The following ADGRL3 variants were observed in gnomAD, a reference collection of about 807,000 sequenced individuals.
The protein encoded by ADGRL3 is adhesion G protein-coupled receptor L3.
A neutral mutation model predicts 153.5 loss-of-function variants in ADGRL3; 62 were observed. That is an observed-to-expected ratio of 0.40 (90% CI 0.33 to 0.50). ADGRL3 has a LOEUF of 0.50. Among genes scored for constraint, ADGRL3 ranks in the 20% least tolerant of loss-of-function variants. The probability of loss-of-function intolerance (pLI) is 0.47; values close to 1 mark genes in which losing one functional copy is unlikely to be tolerated. For missense variants in ADGRL3, 1,641 were observed against 1,859.4 expected (o/e 0.88, Z 2.16); for synonymous variants, 710 against 672.5 (o/e 1.06, Z -0.86).
intron 1 of ADGRL3, among the ~76,000 whole-genome samples, chr4:61,218,989 A>T (rs960750911): frequency 6.6e-6 from 1 of 152,210 alleles, no homozygotes; most frequent in Non-Finnish European, 1.5e-5. Context: ...CTCTATGTAG[A>T]CATAATTGGA....
chr4:61,372,952 C>A (rs553637264), intron 1 of ADGRL3, among the ~76,000 whole-genome samples: 2 of 152,142 alleles, frequency 1.3e-5, no homozygotes, highest in Admixed American at 6.5e-5. Flanking sequence ...TTAAGCCCGT[C>A]GGAAAAGCGC....
chr4:61,373,639 A>G (rs1220350187), intron 1 of ADGRL3, among the ~76,000 whole-genome samples: 1 of 152,172 alleles, frequency 6.6e-6, no homozygotes, highest in African/African-American at 2.4e-5. Flanking sequence ...CAGATAAATC[A>G]TTTTCATAGT....
intron 1 of ADGRL3, among the ~76,000 whole-genome samples, chr4:61,343,699 C>A (rs908543070): frequency 1.3e-5 from 2 of 152,096 alleles, no homozygotes; most frequent in African/African-American, 4.8e-5. Context: ...CATATTTTTT[C>A]TTCTTGTAAA....
At chr4:61,980,077 A>C (rs1258255864) in intron 18 of ADGRL3, among the ~76,000 whole-genome samples, 1 of 152,140 alleles carries the variant, frequency 6.6e-6, no homozygotes, top group Non-Finnish European at 1.5e-5. Context: ...GCTCCCACAC[A>C]TGCATAGTGT....
intron 17 of ADGRL3, among the ~76,000 whole-genome samples, chr4:61,956,330 A>G (rs1211431175): frequency 1.3e-5 from 2 of 151,648 alleles, no homozygotes; most frequent in Non-Finnish European, 2.9e-5. Flanking sequence ...GGCTGCGTAA[A>G]TGTCGTCTTT....
chr4:61,700,599 G>A (rs186715709), intron 6 of ADGRL3, among the ~76,000 whole-genome samples: 63 of 152,264 alleles, frequency 4.1e-4, no homozygotes, highest in African/African-American at 1.4e-3. Flanking sequence ...TGAGATTGGG[G>A]TGAGGTAGTA....
At chr4:62,022,442 A>T (rs759848003) in intron 21 of ADGRL3, among the ~76,000 whole-genome samples, 1 of 152,220 alleles carries the variant, frequency 6.6e-6, no homozygotes, top group Non-Finnish European at 1.5e-5. Flanking sequence ...AGCTAAGATC[A>T]TTGATGAAGG....
At chr4:61,919,905 T>A (rs1001900792) in intron 13 of ADGRL3, among the ~76,000 whole-genome samples, 5 of 152,228 alleles carry the variant, frequency 3.3e-5, no homozygotes, top group African/African-American at 4.8e-5. Flanking sequence ...GCTGTTTGTA[T>A]ATACATGGTT....
At chr4:61,816,061 A>G (rs1413238986) in intron 9 of ADGRL3, among the ~76,000 whole-genome samples, 1 of 152,236 alleles carries the variant, frequency 6.6e-6, no homozygotes. Flanking sequence ...TGCTTTAGAC[A>G]CATTAATTCA....
At chr4:61,669,266 C>A (rs1272266721) in intron 5 of ADGRL3, among the ~76,000 whole-genome samples, 1 of 151,882 alleles carries the variant, frequency 6.6e-6, no homozygotes, top group Non-Finnish European at 1.5e-5. Context: ...TATTTGTTTT[C>A]TACCATTAGA....
intron 5 of ADGRL3, 92 bp from the exon 6 acceptor site, chr4:61,676,732 GTA>G: frequency 1.1e-6 from 1 of 886,440 alleles, no homozygotes; most frequent in Non-Finnish European, 1.9e-6. Context: ...ATTCAAATCT[GTA>G]TAACAGGAAC....
chr4:61,247,589 T>C (rs139285099), intron 1 of ADGRL3, among the ~76,000 whole-genome samples: 4 of 152,194 alleles, frequency 2.6e-5, no homozygotes, highest in African/African-American at 7.2e-5. Context: ...TAATTAGATA[T>C]TGACTCTTTT....
At chr4:61,280,713 A>G (rs1294618466) in intron 1 of ADGRL3, among the ~76,000 whole-genome samples, 1 of 152,192 alleles carries the variant, frequency 6.6e-6, no homozygotes, top group Admixed American at 6.5e-5. Context: ...AAGGAAATAG[A>G]TAATTAACTT....
chr4:61,550,928 T>C (rs2098737385), intron 4 of ADGRL3, among the ~76,000 whole-genome samples: 1 of 152,108 alleles, frequency 6.6e-6, no homozygotes. Flanking sequence ...TTCCTACATA[T>C]CTCACTACTT....
At chr4:61,910,058 C>CT (rs1377878364) in intron 12 of ADGRL3, among the ~76,000 whole-genome samples, 1 of 151,938 alleles carries the variant, frequency 6.6e-6, no homozygotes, top group Non-Finnish European at 1.5e-5. Context: ...AATGCAATTT[C>CT]TTTTTTCTTT....
chr4:61,421,518 G>C (rs79908549), intron 2 of ADGRL3, among the ~76,000 whole-genome samples: 1,792 of 152,160 alleles, frequency 0.012, 36 homozygotes, highest in African/African-American at 0.041. Flanking sequence ...TTATTCCAGT[G>C]CCTTATTTAT....
intron 1 of ADGRL3, among the ~76,000 whole-genome samples, chr4:61,352,046 A>T (rs2096061994): frequency 6.6e-6 from 1 of 152,218 alleles, no homozygotes; most frequent in African/African-American, 2.4e-5. Flanking sequence ...ACCATTCTAG[A>T]TGCCACTAAG....
At chr4:61,598,700 G>A (rs1049424336) in intron 5 of ADGRL3, among the ~76,000 whole-genome samples, 2 of 151,946 alleles carry the variant, frequency 1.3e-5, no homozygotes, top group African/African-American at 4.8e-5. Context: ...AAGTATATAA[G>A]GTATATATGA....
intron 1 of ADGRL3, among the ~76,000 whole-genome samples, chr4:61,342,700 C>T (rs2095830322): frequency 6.6e-6 from 1 of 152,138 alleles, no homozygotes; most frequent in Non-Finnish European, 1.5e-5. Flanking sequence ...AACATTCTAG[C>T]ACCCGTCTCA....
Sources: allele counts gnomAD v4.1 joint callset (sites outside exome capture counted in the v4.1 genomes callset), GRCh38; gene constraint gnomAD v4.1.1; transcripts MANE v1.5; gene names NCBI Gene and HGNC (gene_info 2026-07-23, HGNC 2026-07-21).